The following DAB1 variants were observed in gnomAD, a reference collection of about 807,000 sequenced individuals.
The protein encoded by DAB1 is DAB adaptor protein 1, also known as disabled homolog 1.
DAB1 carries 15 observed loss-of-function variants against 64.6 expected under a neutral mutation model. That is an observed-to-expected ratio of 0.23 (90% CI 0.16 to 0.36). DAB1 has a LOEUF of 0.36. DAB1 is among the 10% of genes least tolerant of loss of function. The pLI is 1.00. For missense variants in DAB1, 596 were observed against 706.7 expected (o/e 0.84, Z 1.78); for synonymous variants, 235 against 251.9 (o/e 0.93, Z 0.64).
intron 5 of DAB1, among the ~76,000 whole-genome samples, chr1:57,949,242 A>G (rs1421482232): frequency 6.6e-6 from 1 of 152,176 alleles, no homozygotes; most frequent in Non-Finnish European, 1.5e-5. Flanking sequence ...TCTCACAAGG[A>G]GTGCACAGCC....
At chr1:57,972,151 T>C (rs1645812524) in intron 5 of DAB1, among the ~76,000 whole-genome samples, 1 of 152,212 alleles carries the variant, frequency 6.6e-6, no homozygotes, top group Non-Finnish European at 1.5e-5. Context: ...TGTTAATGTG[T>C]CATTCTCAAT....
chr1:58,050,432 A>T (rs988543297), intron 5 of DAB1, among the ~76,000 whole-genome samples: 1 of 152,228 alleles, frequency 6.6e-6, no homozygotes, highest in Non-Finnish European at 1.5e-5. Context: ...ATTTTGGACT[A>T]GACATATGGT....
intron 7 of DAB1, among the ~76,000 whole-genome samples, chr1:57,459,671 G>C (rs920381072): frequency 6.6e-6 from 1 of 152,152 alleles, no homozygotes; most frequent in African/African-American, 2.4e-5. Flanking sequence ...GGAAGAAACA[G>C]ACTTAGAACA....
At chr1:57,391,766 AACACACACACACACACACACAC>A (rs57332880) in intron 1 of DAB1, among the ~76,000 whole-genome samples, 4 of 94,566 alleles carry the variant, frequency 4.2e-5, no homozygotes, top group African/African-American at 1.2e-4. Flanking sequence ...CAGAGGAATA[AACACACACACACACACACACAC>A]ACACACACAC....
chr1:57,896,830 G>C (rs1045738480), intron 5 of DAB1, among the ~76,000 whole-genome samples: 5 of 152,174 alleles, frequency 3.3e-5, no homozygotes, highest in Admixed American at 2.6e-4. Flanking sequence ...GAGTGTGTTT[G>C]AGGCAAAATC....
intron 2 of DAB1, among the ~76,000 whole-genome samples, chr1:57,251,578 G>A (rs1252704312): frequency 1.3e-5 from 2 of 152,002 alleles, no homozygotes; most frequent in Non-Finnish European, 2.9e-5. Context: ...CTCTTGAAGA[G>A]GCAAAAAGAG....
chr1:57,791,999 T>C lies in DAB1; in HGVS notation n.551+92000A>G, dbSNP rs139522637. 2.0e-3 allele frequency among the ~76,000 whole-genome samples: 304 copies of C among 152,280 alleles called. 1 individual carries two copies. Among genetic ancestry groups the C allele is most frequent in the African/African-American group, 7.1e-3 (296 of 41,560 alleles). On this transcript the variant is annotated intron_variant and non_coding_transcript_variant, in intron 6 of 20. Transcript: ENST00000485760. The stretch of plus-strand genomic sequence containing the variant: ...ATTTCCCAACCTCTTCTGTTAACAG[T>C]CACTAAGGCAAAGACTTAATTTTTT...
At chr1:58,092,845 G>A (rs1466703750) in intron 5 of DAB1, among the ~76,000 whole-genome samples, 1 of 152,114 alleles carries the variant, frequency 6.6e-6, no homozygotes, top group East Asian at 1.9e-4. Context: ...CCTCAGACAA[G>A]TCAACTGCTA....
At chr1:57,509,607 C>T (rs184276475) in intron 7 of DAB1, among the ~76,000 whole-genome samples, 32 of 152,150 alleles carry the variant, frequency 2.1e-4, no homozygotes, top group Admixed American at 4.6e-4. Flanking sequence ...AATAGAAGTG[C>T]CCCCAGCATT....
chr1:57,411,442 G>A (rs916947756), intron 1 of DAB1, among the ~76,000 whole-genome samples: 2 of 152,212 alleles, frequency 1.3e-5, no homozygotes, highest in Non-Finnish European at 2.9e-5. Flanking sequence ...GCCAAAATTT[G>A]CCCATTGGGC....
chr1:58,545,860 C>G (rs548356422), intron 1 of DAB1, among the ~76,000 whole-genome samples: 2 of 152,318 alleles, frequency 1.3e-5, no homozygotes, highest in East Asian at 3.9e-4. Context: ...TGATGGAAGG[C>G]TTTAAAAAAG....
chr1:57,026,471 C>T (rs558763736), intron 9 of DAB1, among the ~76,000 whole-genome samples: 33 of 152,250 alleles, frequency 2.2e-4, no homozygotes, highest in African/African-American at 6.7e-4. Flanking sequence ...TTCATGGTCA[C>T]GTCAGTAAGG....
At position 57,992,179 on chromosome 1, in the gene DAB1, A is replaced by C. The variant is rs12083599; in HGVS notation, n.388-108017T>G. Among the ~76,000 whole-genome samples, 1,037 of 152,316 alleles carry C rather than the reference A, an allele frequency of 6.8e-3. 13 individuals are homozygous for C. Among genetic ancestry groups the C allele is most frequent in the African/African-American group, 0.024 (990 of 41,556 alleles). ...ACGTACATACAGTATATAAAGTTCA[A>C]AGGTAGGTGAACCTAATCCATGCAG... On this transcript the variant is annotated intron_variant and non_coding_transcript_variant, in intron 5 of 20. Coordinates refer to the DAB1 transcript ENST00000485760.
At chr1:58,162,834 A>T (rs1306308086) in intron 4 of DAB1, among the ~76,000 whole-genome samples, 2 of 152,216 alleles carry the variant, frequency 1.3e-5, no homozygotes, top group Non-Finnish European at 2.9e-5. Flanking sequence ...TGCAGCTGCC[A>T]AAGTGAAGAA....
intron 1 of DAB1, among the ~76,000 whole-genome samples, chr1:57,377,415 T>C (rs558391719): frequency 6.6e-6 from 1 of 152,286 alleles, no homozygotes; most frequent in South Asian, 2.1e-4. Flanking sequence ...GAGCACCACT[T>C]CTTGTCCACA....
At chr1:58,113,898 GAAT>G (rs979645884) in intron 5 of DAB1, among the ~76,000 whole-genome samples, 8 of 152,086 alleles carry the variant, frequency 5.3e-5, no homozygotes, top group Middle Eastern at 3.4e-3. Context: ...GAAAATATTT[GAAT>G]AATATAGGAA....
intron 6 of DAB1, among the ~76,000 whole-genome samples, chr1:57,786,582 T>G (rs571309016): frequency 2.6e-5 from 4 of 152,328 alleles, no homozygotes; most frequent in Admixed American, 2.0e-4. Flanking sequence ...TGCTTGACAT[T>G]GCTTGACACT....
intron 4 of DAB1, among the ~76,000 whole-genome samples, chr1:58,248,583 G>A (rs544222968): frequency 2.4e-4 from 36 of 152,194 alleles, no homozygotes; most frequent in African/African-American, 7.2e-4. Context: ...AAACGTACAA[G>A]CAGATAGAAG....
At chr1:58,319,077 A>G (rs1662622972) in intron 4 of DAB1, among the ~76,000 whole-genome samples, 1 of 151,990 alleles carries the variant, frequency 6.6e-6, no homozygotes, top group Non-Finnish European at 1.5e-5. Context: ...CATTTCTAGA[A>G]TTACTGACTG....
Sources: allele counts gnomAD v4.1 joint callset (sites outside exome capture counted in the v4.1 genomes callset), GRCh38; gene constraint gnomAD v4.1.1; transcripts MANE v1.5; gene names NCBI Gene and HGNC (gene_info 2026-07-23, HGNC 2026-07-21).